Variants in GRM5 observed in about 807,000 individuals in gnomAD.
The protein encoded by GRM5 is glutamate metabotropic receptor 5.
GRM5 carries 19 observed loss-of-function variants against 83.1 expected under a neutral mutation model. That is an observed-to-expected ratio of 0.23 (90% CI 0.16 to 0.34). The LOEUF (loss-of-function observed/expected upper bound fraction) is 0.34. Among genes scored for constraint, GRM5 ranks in the 10% least tolerant of loss-of-function variants. The pLI is 1.00. For missense variants in GRM5, 1,160 were observed against 1,588.3 expected (o/e 0.73, Z 4.58); for synonymous variants, 675 against 633.6 (o/e 1.07, Z -0.98).
Position 88,525,351 on chromosome 11 carries a change from G to T in GRM5, c.2684C>A (p.Pro895His), listed in dbSNP as rs202040444. Residue 895 changes from proline to histidine, a missense_variant, in exon 9 of 10, where the codon CCC (proline) becomes CAC (histidine). This residue lies in a region of GRM5 where 562 missense variants were observed against 532.4 expected (regional missense o/e 1.06). Transcript: ENST00000305447. ...QHKSEIECFT[P>H]KGSMGNGGRA... The stretch of plus-strand genomic sequence containing the variant: ...CCCACCATTCCCCATACTCCCTTTG[G>T]GGGTGAAACACTCTATTTCCGACTT... 5.6e-6 allele frequency: 9 copies of T among 1,612,234 alleles called. No individual in the cohort carries two copies. The highest frequency in any genetic ancestry group is 1.7e-5 in the Admixed American group (1 of 59,968).
intron 8 of GRM5, among the ~76,000 whole-genome samples, chr11:88,532,217 A>G (rs1374311850): frequency 6.6e-6 from 1 of 152,156 alleles, no homozygotes; most frequent in Non-Finnish European, 1.5e-5. Context: ...TTCTTCAAGG[A>G]AACCTCTCAT....
At chr11:88,774,765 T>A (rs1186345606) in intron 3 of GRM5, among the ~76,000 whole-genome samples, 1 of 152,230 alleles carries the variant, frequency 6.6e-6, no homozygotes, top group East Asian at 1.9e-4. Context: ...TTGCGTATGT[T>A]GAAGCAGCCT....
intron 3 of GRM5, among the ~76,000 whole-genome samples, chr11:88,665,991 G>A (rs999809088): frequency 6.6e-6 from 1 of 152,154 alleles, no homozygotes; most frequent in Non-Finnish European, 1.5e-5. Flanking sequence ...TGAGTTCTGG[G>A]CTAGTATTAC....
At chr11:88,801,564 G>T (rs891417421) in intron 3 of GRM5, among the ~76,000 whole-genome samples, 1 of 152,032 alleles carries the variant, frequency 6.6e-6, no homozygotes, top group African/African-American at 2.4e-5. Flanking sequence ...CCATGCAAGG[G>T]TTATTAGCAT....
intron 2 of GRM5, among the ~76,000 whole-genome samples, chr11:88,998,442 A>T (rs572132814): frequency 6.6e-6 from 1 of 152,164 alleles, no homozygotes; most frequent in Non-Finnish European, 1.5e-5. Flanking sequence ...TTGATGCTTG[A>T]TAAAGAGCAT....
At chr11:88,857,338 A>G (rs1944494577) in intron 2 of GRM5, among the ~76,000 whole-genome samples, 1 of 152,112 alleles carries the variant, frequency 6.6e-6, no homozygotes, top group Non-Finnish European at 1.5e-5. Context: ...AAAATAAAAA[A>G]TAAAACTCAG....
At chr11:89,038,763 T>C (rs1358999278) in intron 2 of GRM5, among the ~76,000 whole-genome samples, 1 of 152,204 alleles carries the variant, frequency 6.6e-6, no homozygotes, top group Admixed American at 6.5e-5. Context: ...CCAGGTGATG[T>C]CCATCCTACT....
chr11:88,511,435 C>G (rs1941365981), intron 9 of GRM5, among the ~76,000 whole-genome samples: 1 of 152,220 alleles, frequency 6.6e-6, no homozygotes, highest in Non-Finnish European at 1.5e-5. Context: ...ACACTGCTTC[C>G]CATTTCTTTA....
chr11:88,527,168 C>A, intron 8 of GRM5, among the ~76,000 whole-genome samples: 1 of 152,194 alleles, frequency 6.6e-6, no homozygotes, highest in East Asian at 1.9e-4. Context: ...AAGCAAAATA[C>A]TGCTCGACAG....
rs1941659387 is a variant in GRM5 at position 89,047,168 on chromosome 11, G to C, written c.661+44C>G. 2 of 1,391,036 alleles carry C rather than the reference G, an allele frequency of 1.4e-6. No individual in the cohort carries two copies. The highest frequency in any genetic ancestry group is 2.0e-6 in the Non-Finnish European group (2 of 1,009,222). 86.2% of individuals were successfully genotyped at this position (1,391,036 alleles called of 1,614,324 possible). On this transcript the variant is annotated intron_variant, in intron 2 of 9. Coordinates refer to ENST00000305447, the MANE Select transcript of GRM5 (RefSeq NM_001143831.3). The surrounding 1 kb of genome is among the most constrained non-coding windows in gnomAD (Gnocchi z 5.1). ...TCCCAAACCTGAAATTGTAACTGTT[G>C]AGTGCATAATAATATATACTCGATG...
intron 2 of GRM5, among the ~76,000 whole-genome samples, chr11:89,023,849 C>CTAAATAAATAAA (rs71946693): frequency 5.2e-5 from 7 of 134,496 alleles, no homozygotes; most frequent in Non-Finnish European, 1.1e-4. Flanking sequence ...GACTTCATCT[C>CTAAATAAATAAA]TAAATAAATA....
At chr11:88,610,756 T>A (rs139746749) in intron 4 of GRM5, among the ~76,000 whole-genome samples, 1 of 152,212 alleles carries the variant, frequency 6.6e-6, no homozygotes, top group African/African-American at 2.4e-5. Flanking sequence ...CAGCACTACA[T>A]TGAATACAAA....
In GRM5 at chr11:88,969,923, C is replaced by T. The variant is rs529469496; in HGVS notation, c.661+77289G>A. ...ACACAATATCCACTGCCTCATTTGC[C>T]GTACTTTTATACATGATGTTATCTC... is the stretch of plus-strand genomic sequence containing the variant. On this transcript the variant is annotated intron_variant, in intron 2 of 9. Transcript: ENST00000305447. Among the ~76,000 whole-genome samples the T allele has an allele frequency of 1.9e-4, 29 of 152,084 alleles. 1 individual carries two copies. The South Asian group carries it at 5.0e-3, about 26-fold the overall frequency.
At chr11:88,901,205 A>T (rs1279450679) in intron 2 of GRM5, among the ~76,000 whole-genome samples, 1 of 152,110 alleles carries the variant, frequency 6.6e-6, no homozygotes, top group Non-Finnish European at 1.5e-5. Context: ...CGGTTTCCTT[A>T]TCAATGGAAA....
chr11:88,777,858 G>A (rs1942889360), intron 3 of GRM5, among the ~76,000 whole-genome samples: 1 of 152,034 alleles, frequency 6.6e-6, no homozygotes, highest in African/African-American at 2.4e-5. Flanking sequence ...ACCTATATGA[G>A]GTACCTGTCG....
intron 8 of GRM5, among the ~76,000 whole-genome samples, chr11:88,564,051 T>G (rs2135166221): frequency 6.6e-6 from 1 of 152,266 alleles, no homozygotes; most frequent in Admixed American, 6.5e-5. Flanking sequence ...ACAAAAGAAT[T>G]ATAGCTTTCC....
intron 2 of GRM5, among the ~76,000 whole-genome samples, chr11:88,986,026 T>G (rs966673415): frequency 6.6e-6 from 1 of 152,150 alleles, no homozygotes; most frequent in African/African-American, 2.4e-5. Flanking sequence ...CCTGGGCATT[T>G]ATCCTAAAAA....
chr11:88,984,247 G>A (rs1485799880), intron 2 of GRM5, among the ~76,000 whole-genome samples: 10 of 152,072 alleles, frequency 6.6e-5, no homozygotes, highest in Admixed American at 6.5e-4. Flanking sequence ...TTCATTCATG[G>A]TAAATGACCT....
At chr11:88,510,321 T>C (rs308887) in intron 9 of GRM5, among the ~76,000 whole-genome samples, 34,130 of 152,108 alleles carry the variant, frequency 0.22, 4,022 homozygotes, top group African/African-American at 0.29. Context: ...TTTGAAGGCC[T>C]TTCTCTCTCT....
Sources: gnomAD v4.1 joint callset for allele counts (sites outside exome capture counted in the v4.1 genomes callset) on GRCh38, gnomAD v4.1.1 for gene constraint, gnomAD v4.1.1 regional missense constraint, Gnocchi (gnomAD v3.1) non-coding constraint, MANE v1.5 for transcripts, NCBI Gene and HGNC (gene_info 2026-07-23, HGNC 2026-07-21) for gene names.